The following NXPE4 variants were observed in gnomAD, a reference collection of about 807,000 sequenced individuals.
The protein encoded by NXPE4 is NXPE family member 4.
NXPE4 carries 42 observed loss-of-function variants against 33.3 expected under a neutral mutation model. The observed-to-expected ratio is 1.26, with a 90% CI of 0.98 to 1.63. NXPE4 has a LOEUF of 1.63. NXPE4 is among the 40% of genes most tolerant of loss of function. NXPE4 has a pLI of 0.00. For missense variants in NXPE4, 709 were observed against 647.6 expected, an observed-to-expected ratio of 1.09 and a Z score of -1.03; for synonymous variants, 253 against 234.9, an observed-to-expected ratio of 1.08 and a Z score of -0.71.
the NXPE4 span, among the ~76,000 whole-genome samples, chr11:114,656,689 A>T: frequency 2.0e-5 from 3 of 152,266 alleles, no homozygotes; most frequent in East Asian, 5.8e-4. Flanking sequence ...TTACACCAAA[A>T]ATAGGCAAGC....
chr11:114,671,697 A>G, the NXPE4 span, among the ~76,000 whole-genome samples: 1 of 152,010 alleles, frequency 6.6e-6, no homozygotes, highest in Non-Finnish European at 1.5e-5. Context: ...ATCTAGCAAA[A>G]CTGTCTTTAA....
chr11:114,653,020 G>A, the NXPE4 span, among the ~76,000 whole-genome samples: 7 of 152,106 alleles, frequency 4.6e-5, no homozygotes, highest in Non-Finnish European at 8.8e-5. Flanking sequence ...AATCTGGGGG[G>A]TTCTGCTGAT....
chr11:114,640,185 T>G, the NXPE4 span, among the ~76,000 whole-genome samples: 1 of 134,036 alleles, frequency 7.5e-6, no homozygotes, highest in African/African-American at 2.7e-5. Flanking sequence ...TTATATATTA[T>G]ATATAATTTA....
At chr11:114,576,576 G>A (rs1359826621) in intron 5 of NXPE4, among the ~76,000 whole-genome samples, 1 of 151,988 alleles carries the variant, frequency 6.6e-6, no homozygotes, top group Non-Finnish European at 1.5e-5. Flanking sequence ...TATACAGATG[G>A]TGAACAAACA....
chr11:114,623,141 C>T, the NXPE4 span, among the ~76,000 whole-genome samples: 1 of 152,010 alleles, frequency 6.6e-6, no homozygotes, highest in Non-Finnish European at 1.5e-5. Context: ...ATAAGTGTTG[C>T]CTTGTGGGTA....
chr11:114,592,514 AAC>A (rs144805587), intron 2 of NXPE4, among the ~76,000 whole-genome samples: 33 of 151,008 alleles, frequency 2.2e-4, no homozygotes, highest in South Asian at 8.4e-4. Context: ...GAAATTGGAG[AAC>A]ACACACACAC....
At chr11:114,607,733 C>T in the NXPE4 span, among the ~76,000 whole-genome samples, 1 of 151,960 alleles carries the variant, frequency 6.6e-6, no homozygotes, top group Non-Finnish European at 1.5e-5. Flanking sequence ...CGTGGGTAAC[C>T]ACAGTTGCCC....
chr11:114,663,631 A>G, the NXPE4 span, among the ~76,000 whole-genome samples: 1 of 89,442 alleles, frequency 1.1e-5, no homozygotes, highest in African/African-American at 3.8e-5. Context: ...CTATCTATCT[A>G]TCTATCATCT....
At chr11:114,644,562 T>A in the NXPE4 span, among the ~76,000 whole-genome samples, 14 of 152,130 alleles carry the variant, frequency 9.2e-5, no homozygotes, top group Admixed American at 7.2e-4. Flanking sequence ...ATGTACAACA[T>A]CTAAAATTAA....
chr11:114,589,023 T>G (rs1949377852), intron 2 of NXPE4, among the ~76,000 whole-genome samples: 2 of 152,150 alleles, frequency 1.3e-5, no homozygotes, highest in Non-Finnish European at 2.9e-5. Context: ...AGAGAAGGAC[T>G]GAGGCTCTGG....
At chr11:114,651,344 G>C in the NXPE4 span, among the ~76,000 whole-genome samples, 5 of 151,568 alleles carry the variant, frequency 3.3e-5, no homozygotes, top group African/African-American at 1.2e-4. Flanking sequence ...AAGGTGGCAC[G>C]TCCGGAGTTG....
chr11:114,598,722 G>T (rs1591360953), upstream of NXPE4, among the ~76,000 whole-genome samples: 1 of 152,018 alleles, frequency 6.6e-6, no homozygotes, highest in South Asian at 2.1e-4. Flanking sequence ...GTGTTTTGAG[G>T]CTGTGCAGGG....
chr11:114,589,557 G>A (rs546436007), intron 2 of NXPE4, among the ~76,000 whole-genome samples: 33 of 152,212 alleles, frequency 2.2e-4, no homozygotes, highest in Middle Eastern at 3.4e-3. Context: ...AGGTAGAGAC[G>A]TTCTAGCTTG....
At chr11:114,638,900 G>T in the NXPE4 span, among the ~76,000 whole-genome samples, 7 of 148,054 alleles carry the variant, frequency 4.7e-5, no homozygotes, top group African/African-American at 1.3e-4. Flanking sequence ...TAGTTAGGCT[G>T]CTTGGGGGTC....
the NXPE4 span, among the ~76,000 whole-genome samples, chr11:114,621,388 C>T: frequency 1.3e-5 from 2 of 152,126 alleles, no homozygotes; most frequent in African/African-American, 4.8e-5. Context: ...TATCTGTTAT[C>T]TCGTGGGTAA....
chr11:114,580,000 TGTGAAAAATTTTGG>T, intron 5 of NXPE4, 118 bp downstream of exon 5: 1 of 730,696 alleles, frequency 1.4e-6, no homozygotes, highest in Non-Finnish European at 2.4e-6. Flanking sequence ...AACAATGCCT[TGTGAAAAATTTTGG>T]TGTGTTGTGA....
chr11:114,591,640 T>A (rs1403438585), intron 2 of NXPE4, among the ~76,000 whole-genome samples: 2 of 152,122 alleles, frequency 1.3e-5, no homozygotes, highest in Non-Finnish European at 1.5e-5. Flanking sequence ...TCAGGATGAC[T>A]ACAGTCAGAA....
the NXPE4 span, among the ~76,000 whole-genome samples, chr11:114,635,326 C>G: frequency 8.3e-4 from 125 of 150,066 alleles, 2 homozygotes; most frequent in South Asian, 6.4e-4. Context: ...TATCCTGAGA[C>G]TTTGCTGAAG....
chr11:114,599,238 A>G (rs763499209), upstream of NXPE4, among the ~76,000 whole-genome samples: 2 of 152,152 alleles, frequency 1.3e-5, no homozygotes, highest in Non-Finnish European at 2.9e-5. Flanking sequence ...TCACTAAACC[A>G]TAACAAAACT....
Sources: allele counts gnomAD v4.1 joint callset (sites outside exome capture counted in the v4.1 genomes callset), GRCh38; gene constraint gnomAD v4.1.1; transcripts MANE v1.5; gene names NCBI Gene and HGNC (gene_info 2026-07-23, HGNC 2026-07-21).